MYO1E: variants seen among roughly 807,000 people sequenced by gnomAD.
MYO1E encodes the protein myosin IE.
A neutral mutation model predicts 151.1 loss-of-function variants in MYO1E; 68 were observed. The ratio of observed to expected loss-of-function variants is 0.45; its 90% confidence interval spans 0.37 to 0.55. MYO1E has a LOEUF of 0.55. Among genes scored for constraint, MYO1E ranks in the 20% least tolerant of loss-of-function variants. MYO1E has a pLI of 0.00. For synonymous variants in MYO1E, 601 were observed against 501.7 expected, an observed-to-expected ratio of 1.20 and a Z score of -2.64; for missense variants, 1,363 against 1,389.3, an observed-to-expected ratio of 0.98 and a Z score of 0.30.
chr15:59,371,522 C>T (rs541631050), intron 1 of MYO1E, among the ~76,000 whole-genome samples: 3 of 151,390 alleles, frequency 2.0e-5, no homozygotes, highest in Non-Finnish European at 1.5e-5. Context: ...CACGCCAAAG[C>T]CCAAGGGAGG....
intron 12 of MYO1E, among the ~76,000 whole-genome samples, chr15:59,211,342 G>A (rs1167736491): frequency 6.6e-6 from 1 of 152,016 alleles, no homozygotes; most frequent in Non-Finnish European, 1.5e-5. Flanking sequence ...TTCCTCACTG[G>A]TTTCACTTTG....
At chr15:59,161,027 G>C in intron 24 of MYO1E, 46 bp downstream of exon 24, 1 of 1,610,184 alleles carries the variant, frequency 6.2e-7, no homozygotes, top group South Asian at 1.1e-5. Context: ...CGGGAGACTC[G>C]GGGGAGCGGC....
chr15:59,156,432 G>A lies in MYO1E; in HGVS notation c.2878+1855C>T, dbSNP rs544988568. ...ACTCCTGGCCTCAAGTGATCTGCTC[G>A]TCTTGGTCTCCCAAAGTGCTGGGAT... On this transcript the variant is annotated intron_variant, in intron 25 of 27. Coordinates refer to ENST00000288235, the MANE Select transcript of MYO1E (RefSeq NM_004998.4). Among the ~76,000 whole-genome samples the A allele has an allele frequency of 3.9e-5, 6 of 152,306 alleles. No individual in the cohort carries two copies. In the East Asian group the frequency reaches 1.2e-3, roughly 29 times the overall value.
In MYO1E at chr15:59,333,348, T is replaced by A. The variant is rs147319521; in HGVS notation, c.3+39150A>T. Among the ~76,000 whole-genome samples, 1,155 of 152,200 alleles carry A rather than the reference T, an allele frequency of 7.6e-3. 8 individuals carry two copies. Among genetic ancestry groups the A allele is most frequent in the African/African-American group, 0.027 (1,112 of 41,548 alleles). ...TTGAACTCCCAGGCTCAAGTGATCC[T>A]CCACCACAGCAACCCCCGGAGTAGC... On this transcript the variant is annotated intron_variant, in intron 1 of 27. Coordinates refer to ENST00000288235, the MANE Select transcript of MYO1E (RefSeq NM_004998.4).
At chr15:59,203,524 T>G (rs1303769971) in intron 15 of MYO1E, among the ~76,000 whole-genome samples, 1 of 151,984 alleles carries the variant, frequency 6.6e-6, no homozygotes, top group East Asian at 1.9e-4. Flanking sequence ...GGACTACAAG[T>G]GCGTGCCACC....
intron 6 of MYO1E, among the ~76,000 whole-genome samples, chr15:59,228,313 C>G (rs1394220825): frequency 6.6e-6 from 1 of 152,016 alleles, no homozygotes; most frequent in African/African-American, 2.4e-5. Flanking sequence ...GAAACCCCAT[C>G]TCTGCTAAAA....
chr15:59,269,519 A>C (rs2080277051), intron 2 of MYO1E, among the ~76,000 whole-genome samples: 1 of 152,254 alleles, frequency 6.6e-6, no homozygotes, highest in African/African-American at 2.4e-5. Context: ...TTGACCAAAT[A>C]AAATAAAAAC....
Position 59,282,087 on chromosome 15 carries a change from T to G in MYO1E, c.4-9638A>C, listed in dbSNP as rs140304956. On this transcript the variant is annotated intron_variant, in intron 1 of 27. Transcript: ENST00000288235. ...CCTGGGGACACACTGGCATTCCCTA[T>G]TGGGCCTTTTCTTGTCAATTTCAAG... Among the ~76,000 whole-genome samples, 4 of 152,366 alleles carry G rather than the reference T, an allele frequency of 2.6e-5. No individual in the cohort carries two copies. In the East Asian group the frequency reaches 7.7e-4, roughly 29 times the overall value.
chr15:59,267,845 G>A (rs1291778377), intron 2 of MYO1E, among the ~76,000 whole-genome samples: 1 of 152,212 alleles, frequency 6.6e-6, no homozygotes, highest in Admixed American at 6.5e-5. Context: ...CAAACAGATG[G>A]CAAATTAAAC....
intron 3 of MYO1E, among the ~76,000 whole-genome samples, chr15:59,259,551 A>G (rs575761098): frequency 6.6e-6 from 1 of 152,256 alleles, no homozygotes; most frequent in South Asian, 2.1e-4. Flanking sequence ...TCTGGTCTCA[A>G]GTGCACAAAC....
intron 19 of MYO1E, 51 bp downstream of exon 19, chr15:59,178,342 G>A: frequency 1.2e-6 from 2 of 1,608,098 alleles, no homozygotes; most frequent in Non-Finnish European, 1.7e-6. Context: ...GAGCAGGGCT[G>A]GCGGGGGCCC....
chr15:59,337,268 T>A (rs1164461869), intron 1 of MYO1E, among the ~76,000 whole-genome samples: 1 of 152,196 alleles, frequency 6.6e-6, no homozygotes, highest in Admixed American at 6.5e-5. Context: ...AATTTTTAAG[T>A]TTCCTAAGTT....
chr15:59,251,504 T>G (rs2080164887), intron 4 of MYO1E, among the ~76,000 whole-genome samples: 1 of 152,210 alleles, frequency 6.6e-6, no homozygotes, highest in Non-Finnish European at 1.5e-5. Context: ...CGTTTGCGAC[T>G]ATTAGAGAAG....
chr15:59,159,753 A>G lies in MYO1E; in HGVS notation c.2785+1320T>C, dbSNP rs941492599. ...ACATTTTCTGAGTGGCTCTACATAT[A>G]TAAAGATATGATGGCATTTGCTGGT... On this transcript the variant is annotated intron_variant, in intron 24 of 27. Coordinates refer to ENST00000288235, the MANE Select transcript of MYO1E (RefSeq NM_004998.4). This position sits in a 1 kb window ranked among gnomAD's most constrained non-coding sequence, Gnocchi z 4.4. 9.9e-5 allele frequency among the ~76,000 whole-genome samples: 15 copies of G among 152,188 alleles called. No individual in the cohort carries two copies. Among genetic ancestry groups the G allele is most frequent in the Admixed American group, 7.9e-4 (12 of 15,282 alleles).
chr15:59,143,954 G>C (rs2079426058), intron 26 of MYO1E, among the ~76,000 whole-genome samples: 1 of 152,222 alleles, frequency 6.6e-6, no homozygotes, highest in East Asian at 1.9e-4. Flanking sequence ...CCAGAACATG[G>C]GTCAATTGTA....
At chr15:59,209,540 G>A (rs2079863854) in intron 13 of MYO1E, among the ~76,000 whole-genome samples, 1 of 152,010 alleles carries the variant, frequency 6.6e-6, no homozygotes, top group African/African-American at 2.4e-5. Flanking sequence ...GCCAGGTGTG[G>A]TGGTGGGCGC....
intron 1 of MYO1E, among the ~76,000 whole-genome samples, chr15:59,332,614 T>C (rs1190249851): frequency 6.6e-6 from 1 of 152,244 alleles, no homozygotes; most frequent in Non-Finnish European, 1.5e-5. Context: ...ATGTGTCTGA[T>C]GCTACAGCCA....
chr15:59,156,592 G>A (rs968978270), intron 25 of MYO1E, among the ~76,000 whole-genome samples: 4 of 152,228 alleles, frequency 2.6e-5, no homozygotes, highest in African/African-American at 9.6e-5. Flanking sequence ...GTCTCCCAAA[G>A]TGTTGGGATT....
At position 59,289,677 on chromosome 15, in the gene MYO1E, G is replaced by A. The variant is rs539263285; in HGVS notation, c.4-17228C>T. ...CTCCAGAAGATGAGGGGCAATGCCA[G>A]CAGAAATTAGAAAGCTGTCATCTAG... On this transcript the variant is annotated intron_variant, in intron 1 of 27. Coordinates refer to ENST00000288235, the MANE Select transcript of MYO1E (RefSeq NM_004998.4). Among the ~76,000 whole-genome samples the A allele has an allele frequency of 5.9e-5, 9 of 152,326 alleles. No homozygotes were observed. The East Asian group carries it at 1.3e-3, about 23-fold the overall frequency.
Sources: allele counts gnomAD v4.1 joint callset (sites outside exome capture counted in the v4.1 genomes callset), GRCh38; gene constraint gnomAD v4.1.1; non-coding constraint Gnocchi (gnomAD v3.1); transcripts MANE v1.5; gene names NCBI Gene and HGNC (gene_info 2026-07-23, HGNC 2026-07-21).